OR5K1: variants seen among roughly 807,000 people sequenced by gnomAD.
OR5K1 encodes olfactory receptor 5K1.
A neutral mutation model predicts 10.4 loss-of-function variants in OR5K1; 7 were observed. That is an observed-to-expected ratio of 0.67 (90% CI 0.38 to 1.26). OR5K1 has a LOEUF of 1.26. Ranked by LOEUF, OR5K1 falls within the 50% of genes most tolerant of loss-of-function variation. OR5K1 has a pLI of 0.02. For missense variants in OR5K1, 435 were observed against 366.2 expected, an observed-to-expected ratio of 1.19 and a Z score of -1.53; for synonymous variants, 135 against 128.5, an observed-to-expected ratio of 1.05 and a Z score of -0.34.
rs1010149321 is a variant in OR5K1, at chr3:98,465,577, A to G, written c.-12+2270A>G. 2.0e-5 allele frequency among the ~76,000 whole-genome samples: 3 copies of G among 152,180 alleles called. No homozygotes were observed. The East Asian group carries it at 5.8e-4, about 29-fold the overall frequency. ...TTTCCAGTAATTGCACAAATTTTAG[A>G]TAACACTATATATTATCATTTCTTT... is the stretch of plus-strand genomic sequence containing the variant. On this transcript the variant is annotated intron_variant, in intron 1 of 1. Transcript: ENST00000642057.
At chr3:98,466,646 C>T (rs1705379233) in intron 1 of OR5K1, among the ~76,000 whole-genome samples, 1 of 113,064 alleles carries the variant, frequency 8.8e-6, no homozygotes, top group Non-Finnish European at 1.7e-5. Flanking sequence ...TCTGTGATGG[C>T]CAGTGATGAT....
rs762633154 is a variant in OR5K1 at position 98,470,369 on chromosome 3, C to CT, written c.795dup (p.Glu266Ter). Reference sequence around the variant, plus strand: ...CTTCATGTACGTTAGACCAAATTTGCTTGAAGAAGGGGATAAAGATATACC... The same window carrying CT: ...CTTCATGTACGTTAGACCAAATTTGCTTTGAAGAAGGGGATAAAGATATACC... On this transcript the variant is annotated frameshift_variant, in exon 2 of 2. Transcript: ENST00000642057. LOFTEE classifies it high-confidence loss of function. 7.4e-6 allele frequency: 12 copies of CT among 1,612,914 alleles called. No individual in the cohort carries two copies. In the South Asian group the frequency reaches 1.3e-4, roughly 18 times the overall value.
In OR5K1 at chr3:98,470,236, T is replaced by C. The variant is rs183625993; in HGVS notation, c.660T>C (p.Tyr220=). ...GTAGTGTCTTAATATCTTATCTCTATATTCTTCTTACTATTTTCAAAATGA... is the reference window on the plus strand; with the variant it reads ...GTAGTGTCTTAATATCTTATCTCTACATTCTTCTTACTATTTTCAAAATGA... The part of the protein sequence containing the change: ...TIGSVLISYL[Y]ILLTIFKMKS... Residue 220 remains tyrosine, a synonymous_variant, in exon 2 of 2, where the codon TAT becomes TAC. Transcript: ENST00000642057. 2.3e-4 allele frequency: 370 copies of C among 1,613,258 alleles called. 4 individuals carry two copies. The East Asian group carries it at 8.2e-3, about 36-fold the overall frequency.
Position 98,470,055 on chromosome 3 carries a change from T to A in OR5K1, c.479T>A (p.Val160Glu). The A allele has an allele frequency of 6.2e-7, 1 of 1,613,668 alleles. No individual in the cohort carries two copies. The stretch of plus-strand genomic sequence containing the variant: ...GGAAACCTGCATTCCATGATTCATG[T>A]AGGGCTTGTATTTAGGTTAGTTTTC... Reference protein sequence around the residue: ...IAGNLHSMIHVGLVFRLVFCG... With the variant: ...IAGNLHSMIHEGLVFRLVFCG... Residue 160 changes from valine (V) to glutamate (E), a missense_variant, in exon 2 of 2, where the codon GTA (valine) becomes GAA (glutamate). Transcript: ENST00000642057.
intron 1 of OR5K1, among the ~76,000 whole-genome samples, chr3:98,466,880 C>T (rs1483186587): frequency 8.3e-6 from 1 of 120,342 alleles, no homozygotes; most frequent in African/African-American, 3.9e-5. Flanking sequence ...GTTTCTTTTG[C>T]TGTGCAGAAG....
At position 98,472,222 on chromosome 3, in the gene OR5K1, G is replaced by C. The variant is rs1020172747; in HGVS notation, c.*1719G>C. 7.6e-6 allele frequency: 1 copy of C among 130,790 alleles called. No individual in the cohort carries two copies. Among genetic ancestry groups the C allele is most frequent in the Non-Finnish European group, 1.6e-5 (1 of 62,326 alleles). The allele number at this position is 130,790 out of a possible 1,614,324, so 8.1% of individuals were successfully genotyped here. A position where few individuals can be genotyped will look rare whatever the true frequency, so the allele number is the denominator to read the frequency against. On this transcript the variant is annotated 3_prime_UTR_variant, in exon 2 of 2. Transcript: ENST00000642057. Reference sequence around the variant, plus strand: ...AATGTCTATTTATCCAACCCACAAGGCTTTGGGTTGGCTGGCTCTCTCTCT... The same window carrying C: ...AATGTCTATTTATCCAACCCACAAGCCTTTGGGTTGGCTGGCTCTCTCTCT...
chr3:98,465,785 T>C (rs1397368184), intron 1 of OR5K1, among the ~76,000 whole-genome samples: 4 of 152,124 alleles, frequency 2.6e-5, no homozygotes, highest in African/African-American at 9.6e-5. Flanking sequence ...GCTTCCTTCC[T>C]AAAACACAAC....
chr3:98,469,011 A>G (rs905294159), intron 1 of OR5K1, among the ~76,000 whole-genome samples: 1 of 152,126 alleles, frequency 6.6e-6, no homozygotes, highest in African/African-American at 2.4e-5. Context: ...TATTCACAAT[A>G]GCAGAGACAT....
rs1705447068 is a variant in OR5K1 at position 98,471,478 on chromosome 3, A to G, written c.*975A>G. The stretch of plus-strand genomic sequence containing the variant: ...AGAGTAATGATCTTAATGTGATATC[A>G]TTTTAAAAATTACTTTCCAATTATT... On this transcript the variant is annotated 3_prime_UTR_variant, in exon 2 of 2. Coordinates refer to ENST00000642057, the MANE Select transcript of OR5K1 (RefSeq NM_001004736.4). 1 of 151,984 alleles carries G rather than the reference A, an allele frequency of 6.6e-6. No homozygotes were observed. Among genetic ancestry groups the G allele is most frequent in the Admixed American group, 6.6e-5 (1 of 15,236 alleles). 9.4% of individuals were successfully genotyped at this position (151,984 alleles called of 1,614,324 possible).
Position 98,471,068 on chromosome 3 carries a change from T to C in OR5K1, c.*565T>C, listed in dbSNP as rs1705441279. 6.6e-6 allele frequency: 1 copy of C among 152,046 alleles called. No homozygotes were observed. Among genetic ancestry groups the C allele is most frequent in the Admixed American group, 6.6e-5 (1 of 15,230 alleles). 9.4% of individuals were successfully genotyped at this position (152,046 alleles called of 1,614,324 possible). A position where few individuals can be genotyped will look rare whatever the true frequency, so the allele number is the denominator to read the frequency against. On this transcript the variant is annotated 3_prime_UTR_variant, in exon 2 of 2. Coordinates refer to ENST00000642057, the MANE Select transcript of OR5K1 (RefSeq NM_001004736.4). ...AGGAAGTATTAGGAAAACGAAGGTG[T>C]CAAATAATAGTGAATATCAGATTTC...
At chr3:98,468,964 T>A (rs922453830) in intron 1 of OR5K1, among the ~76,000 whole-genome samples, 2 of 152,120 alleles carry the variant, frequency 1.3e-5, no homozygotes, top group African/African-American at 4.8e-5. Flanking sequence ...TTTGTGAAGA[T>A]AATCTGATGT....
intron 1 of OR5K1, among the ~76,000 whole-genome samples, chr3:98,465,576 G>A (rs1705361579): frequency 6.6e-6 from 1 of 151,948 alleles, no homozygotes; most frequent in Non-Finnish European, 1.5e-5. Flanking sequence ...ACAAATTTTA[G>A]ATAACACTAT....
rs1481121838 is a variant in OR5K1, at chr3:98,471,078, G to C, written c.*575G>C. 1 of 152,024 alleles carries C rather than the reference G, an allele frequency of 6.6e-6. No homozygotes were observed. The highest frequency in any genetic ancestry group is 2.4e-5 in the African/African-American group (1 of 41,406). The allele number at this position is 152,024 out of a possible 1,614,324, so 9.4% of individuals were successfully genotyped here. On this transcript the variant is annotated 3_prime_UTR_variant, in exon 2 of 2. Coordinates refer to ENST00000642057, the MANE Select transcript of OR5K1 (RefSeq NM_001004736.4). ...AGGAAAACGAAGGTGTCAAATAATA[G>C]TGAATATCAGATTTCCAAATTTAAA...
Position 98,469,813 on chromosome 3 carries a change from C to G in OR5K1, c.237C>G (p.Pro79=). The G allele has an allele frequency of 1.2e-6, 2 of 1,613,776 alleles. No individual in the cohort carries two copies. Among genetic ancestry groups the G allele is most frequent in the South Asian group, 2.2e-5 (2 of 91,080 alleles). Residue 79 remains proline, a synonymous_variant, in exon 2 of 2, where the codon CCC becomes CCG. Coordinates refer to ENST00000642057, the MANE Select transcript of OR5K1 (RefSeq NM_001004736.4). ...VDSCCACAIT[P]KMLENFFSEN... ...CTTGCTGTGCCTGTGCTATTACCCC[C>G]AAAATGTTAGAGAACTTCTTTTCTG... is the stretch of plus-strand genomic sequence containing the variant.
Position 98,469,822 on chromosome 3 carries a change from A to G in OR5K1, c.246A>G (p.Leu82=). 1 of 1,613,778 alleles carries G rather than the reference A, an allele frequency of 6.2e-7. No individual in the cohort carries two copies. Among genetic ancestry groups the G allele is most frequent in the Non-Finnish European group, 8.5e-7 (1 of 1,179,804 alleles). The change falls in exon 2 of 2, where the codon TTA becomes TTG. Residue 82 remains leucine (L), a synonymous_variant. Coordinates refer to ENST00000642057, the MANE Select transcript of OR5K1 (RefSeq NM_001004736.4). ...CCTGTGCTATTACCCCCAAAATGTT[A>G]GAGAACTTCTTTTCTGAGAACAAAA... ...CCACAITPKM[L]ENFFSENKRI... is the part of the protein sequence containing the mutation.
At position 98,471,306 on chromosome 3, in the gene OR5K1, G is replaced by A. The variant is rs1489795563; in HGVS notation, c.*803G>A. On this transcript the variant is annotated 3_prime_UTR_variant, in exon 2 of 2. Transcript: ENST00000642057. ...ATGTCTCTGTGCTCCTACTTGAGAG[G>A]TGAGGAAAGGTTTCAACAATAGAGA... is the stretch of plus-strand genomic sequence containing the variant. 6.6e-6 allele frequency: 1 copy of A among 151,864 alleles called. No individual in the cohort carries two copies. Among genetic ancestry groups the A allele is most frequent in the Non-Finnish European group, 1.5e-5 (1 of 67,936 alleles). 9.4% of individuals were successfully genotyped at this position (151,864 alleles called of 1,614,324 possible). A position where few individuals can be genotyped will look rare whatever the true frequency, so the allele number is the denominator to read the frequency against.
intron 1 of OR5K1, among the ~76,000 whole-genome samples, chr3:98,467,963 A>C (rs1705393587): frequency 6.6e-6 from 1 of 151,962 alleles, no homozygotes; most frequent in Non-Finnish European, 1.5e-5. Flanking sequence ...GAGAGAGGGC[A>C]TCCCTATCTT....
chr3:98,469,931 G>A lies in OR5K1; in HGVS notation c.355G>A (p.Ala119Thr). The A allele has an allele frequency of 6.2e-7, 1 of 1,613,662 alleles. No individual in the cohort carries two copies. Among genetic ancestry groups the A allele is most frequent in the Middle Eastern group, 1.7e-4 (1 of 6,058 alleles). ...AGACTGCTTTCTTCTGGCAGCAATG[G>A]CCTATGACCGCTATGTGGCCATATG... ...TADCFLLAAM[A>T]YDRYVAICNP... Residue 119 changes from alanine to threonine, a missense_variant, in exon 2 of 2, where the codon GCC becomes ACC. Transcript: ENST00000642057.
intron 1 of OR5K1, among the ~76,000 whole-genome samples, chr3:98,463,680 T>C (rs754244643): frequency 3.3e-5 from 5 of 152,180 alleles, no homozygotes; most frequent in Admixed American, 6.5e-5. Context: ...ATTTTTGTGT[T>C]GGGCATTCCT....
Sources: allele counts gnomAD v4.1 joint callset (sites outside exome capture counted in the v4.1 genomes callset), GRCh38; gene constraint gnomAD v4.1.1; transcripts MANE v1.5; gene names NCBI Gene and HGNC (gene_info 2026-07-23, HGNC 2026-07-21).